The following FARP2 variants were observed in gnomAD, a reference collection of about 807,000 sequenced individuals.
FARP2 encodes FERM, ARHGEF and pleckstrin domain-containing protein 2.
Under a neutral mutation model 130.5 loss-of-function variants are expected in FARP2, and 111 were observed. The ratio of observed to expected loss-of-function variants is 0.85; its 90% CI spans 0.73 to 1.00. The LOEUF (loss-of-function observed/expected upper bound fraction) is 1.00, where lower values mean the gene tolerates loss of function less well. Ranked by LOEUF, FARP2 falls within the 50% of genes least tolerant of loss-of-function variation. The probability of loss-of-function intolerance (pLI) is 0.00; values close to 1 mark genes in which losing one functional copy is unlikely to be tolerated. For missense variants in FARP2, 1,385 were observed against 1,346.3 expected (o/e 1.03, Z -0.45); for synonymous variants, 504 against 516.9 (o/e 0.98, Z 0.34).
At chr2:241,405,556 G>GA (rs767942721) in intron 4 of FARP2, among the ~76,000 whole-genome samples, 1 of 152,210 alleles carries the variant, frequency 6.6e-6, no homozygotes, top group Non-Finnish European at 1.5e-5. Context: ...TCTGAGGAAA[G>GA]AAAAAATAAC....
At position 241,421,332 on chromosome 2, in the gene FARP2, T is replaced by C. The variant is rs543381139; in HGVS notation, c.771+3223T>C. Among the ~76,000 whole-genome samples, 4 of 152,292 alleles carry C rather than the reference T, an allele frequency of 2.6e-5. No individual in the cohort carries two copies. The East Asian group carries it at 7.7e-4, about 29-fold the overall frequency. ...CCCCCAGCAAGGTGGGAAATCTGTTTGTACAAATCCCTAAGAAGGAGGCTG... is the reference window on the plus strand; with the variant it reads ...CCCCCAGCAAGGTGGGAAATCTGTTCGTACAAATCCCTAAGAAGGAGGCTG... On this transcript the variant is annotated intron_variant, in intron 8 of 26. Coordinates refer to ENST00000264042, the MANE Select transcript of FARP2 (RefSeq NM_014808.4).
At chr2:241,393,520 A>G (rs2061958983) in intron 2 of FARP2, among the ~76,000 whole-genome samples, 1 of 152,226 alleles carries the variant, frequency 6.6e-6, no homozygotes, top group Non-Finnish European at 1.5e-5. Context: ...ATATTATAAA[A>G]GGAAATTTGG....
rs1448475436 is a variant in FARP2 at position 241,494,606 on chromosome 2, G to A, written c.*481G>A. ...CAGCCATGCTGACCTTCCATCTGGT[G>A]AACCAAGTGGCAGCCCCAGGGGCCT... On this transcript the variant is annotated 3_prime_UTR_variant, in exon 27 of 27. Transcript: ENST00000264042. This position sits in a 1 kb window ranked among gnomAD's most constrained non-coding sequence, Gnocchi z 4.9. 6.6e-6 allele frequency: 1 copy of A among 152,352 alleles called. No homozygotes were observed. Among genetic ancestry groups the A allele is most frequent in the East Asian group, 1.9e-4 (1 of 5,198 alleles). The allele number at this position is 152,352 out of a possible 1,614,324, so 9.4% of individuals were successfully genotyped here.
chr2:241,438,110 G>A (rs192091084), intron 12 of FARP2, among the ~76,000 whole-genome samples: 4 of 152,272 alleles, frequency 2.6e-5, no homozygotes, highest in Admixed American at 2.6e-4. Context: ...TGCCTAGTCA[G>A]AATCTTGCTA....
In FARP2 at chr2:241,469,938, A is replaced by G. The variant is rs1203928662; in HGVS notation, c.2131+1561A>G. On this transcript the variant is annotated intron_variant, in intron 18 of 26. Transcript: ENST00000264042. The stretch of plus-strand genomic sequence containing the variant: ...TTTGAAGTTGTCAACTCAACAGAAC[A>G]CTGATAACCATCAGCCTCCCTAGGT... 2.0e-5 allele frequency among the ~76,000 whole-genome samples: 3 copies of G among 152,248 alleles called. 1 individual carries two copies. The highest frequency in any genetic ancestry group is 1.3e-4 in the Admixed American group (2 of 15,288).
chr2:241,414,628 T>C (rs1181466739), intron 7 of FARP2, among the ~76,000 whole-genome samples: 1 of 151,964 alleles, frequency 6.6e-6, no homozygotes. Context: ...GTGGATTTCG[T>C]GCACCTCACC....
Position 241,463,895 on chromosome 2 carries a change from T to G in FARP2, c.1812-4T>G. ...TTAGGATGACTTTGTTTCTTTTTAC[T>G]CAGGGAAGGGCCCTCCAAAGCCCAC... On this transcript the variant is annotated splice_region_variant and splice_polypyrimidine_tract_variant and intron_variant, in intron 16 of 26. Coordinates refer to ENST00000264042, the MANE Select transcript of FARP2 (RefSeq NM_014808.4). 3 of 1,613,212 alleles carry G rather than the reference T, an allele frequency of 1.9e-6. No homozygotes were observed. Among genetic ancestry groups the G allele is most frequent in the East Asian group, 2.2e-5 (1 of 44,866 alleles).
intron 17 of FARP2, chr2:241,466,506 A>T (rs2150482646): frequency 1.0e-6 from 1 of 985,436 alleles, no homozygotes; most frequent in Admixed American, 6.1e-5. Context: ...CGGCCCTGCC[A>T]CAGAGAGGGA....
intron 14 of FARP2, among the ~76,000 whole-genome samples, chr2:241,458,939 T>G (rs1006153949): frequency 6.6e-6 from 1 of 151,880 alleles, no homozygotes; most frequent in Non-Finnish European, 1.5e-5. Context: ...CCTTGAGGAG[T>G]TGGTGGCTGG....
At chr2:241,466,544 G>T (rs1574882595) in intron 17 of FARP2, 2 of 985,428 alleles carry the variant, frequency 2.0e-6, no homozygotes, top group East Asian at 2.3e-4. Context: ...CATCGGCAGG[G>T]CTTGGCCACT....
chr2:241,403,239 A>C (rs935679784), intron 2 of FARP2, among the ~76,000 whole-genome samples: 1 of 151,642 alleles, frequency 6.6e-6, no homozygotes, highest in African/African-American at 2.4e-5. Flanking sequence ...TTTTGAGACA[A>C]AGTCTCACTC....
chr2:241,461,730 A>G (rs2064024560), intron 14 of FARP2, among the ~76,000 whole-genome samples: 1 of 152,206 alleles, frequency 6.6e-6, no homozygotes, highest in Non-Finnish European at 1.5e-5. Flanking sequence ...GAAGCTGGCC[A>G]CAGTCTGGAG....
At chr2:241,398,888 T>C (rs1186497001) in intron 2 of FARP2, among the ~76,000 whole-genome samples, 1 of 152,226 alleles carries the variant, frequency 6.6e-6, no homozygotes, top group Non-Finnish European at 1.5e-5. Context: ...TGAATTTGTC[T>C]TTAGGTCTCT....
intron 8 of FARP2, among the ~76,000 whole-genome samples, chr2:241,419,922 G>C (rs1303177709): frequency 6.6e-6 from 1 of 152,134 alleles, no homozygotes; most frequent in Admixed American, 6.5e-5. Context: ...GGCTAAGGTG[G>C]GCAGATTGCT....
In FARP2 at chr2:241,403,948, G is replaced by C. The variant is rs372838698; in HGVS notation, c.288+16G>C. 10 of 1,445,670 alleles carry C rather than the reference G, an allele frequency of 6.9e-6. No homozygotes were observed. In the South Asian group the frequency reaches 1.1e-4, roughly 17 times the overall value. 89.6% of individuals were successfully genotyped at this position (1,445,670 alleles called of 1,614,324 possible). On this transcript the variant is annotated intron_variant, in intron 3 of 26. Coordinates refer to ENST00000264042, the MANE Select transcript of FARP2 (RefSeq NM_014808.4). ...GTCCTACTGGGTAAGTGCTTATGACGTGCCCAGGCGTGGAGCCTTTGGGCC... is the reference window on the plus strand; with the variant it reads ...GTCCTACTGGGTAAGTGCTTATGACCTGCCCAGGCGTGGAGCCTTTGGGCC...
chr2:241,407,722 C>T (rs1478867475), intron 5 of FARP2, 107 bp downstream of exon 5: 1 of 837,034 alleles, frequency 1.2e-6, no homozygotes, highest in Admixed American at 2.4e-5. Context: ...CTGATATACA[C>T]AGAAAAGTGA....
At chr2:241,413,728 A>T (rs2062588504) in intron 7 of FARP2, among the ~76,000 whole-genome samples, 1 of 152,194 alleles carries the variant, frequency 6.6e-6, no homozygotes, top group Non-Finnish European at 1.5e-5. Context: ...GGATTGCCTG[A>T]GGTCAGGAGT....
intron 17 of FARP2, among the ~76,000 whole-genome samples, chr2:241,465,145 T>A (rs896033762): frequency 5.3e-5 from 8 of 152,134 alleles, no homozygotes; most frequent in Non-Finnish European, 1.0e-4. Flanking sequence ...AGCATTCCCT[T>A]GAGGACAGTG....
chr2:241,481,556 G>A lies in FARP2; in HGVS notation c.2263-1909G>A, dbSNP rs183997311. ...TCCCCACTTTGGGAGTCTGGGCTTT[G>A]ATCAGGTGCTAGGACCACCACTCTT... On this transcript the variant is annotated intron_variant, in intron 19 of 26. Coordinates refer to ENST00000264042, the MANE Select transcript of FARP2 (RefSeq NM_014808.4). 9.0e-3 allele frequency among the ~76,000 whole-genome samples: 1,365 copies of A among 152,320 alleles called. 27 individuals carry two copies. Among genetic ancestry groups the A allele is most frequent in the Non-Finnish European group, 7.7e-3 (523 of 68,034 alleles).
Sources: gnomAD v4.1 joint callset for allele counts (sites outside exome capture counted in the v4.1 genomes callset) on GRCh38, gnomAD v4.1.1 for gene constraint, Gnocchi (gnomAD v3.1) non-coding constraint, MANE v1.5 for transcripts, NCBI Gene and HGNC (gene_info 2026-07-23, HGNC 2026-07-21) for gene names.